FANCA: variants seen among roughly 807,000 people sequenced by gnomAD.
FANCA encodes the protein FA complementation group A, also known as Fanconi anemia group A protein.
A neutral mutation model predicts 194.3 loss-of-function variants in FANCA; 236 were observed. The observed-to-expected ratio is 1.21, with a 90% CI of 1.09 to 1.35. FANCA has a LOEUF of 1.35. Among genes scored for constraint, FANCA ranks in the 40% most tolerant of loss-of-function variants. The probability of loss-of-function intolerance (pLI) is 0.00; values close to 1 mark genes in which losing one functional copy is unlikely to be tolerated. For synonymous variants in FANCA, 1,014 were observed against 715.8 expected (o/e 1.42, Z -6.65); for missense variants, 2,628 against 1,813.9 (o/e 1.45, Z -8.15).
rs1225095556 is a variant in FANCA, at chr16:89,773,317, T to C, written c.1968A>G (p.Ala656=). 6.4e-7 allele frequency: 1 copy of C among 1,551,570 alleles called. No homozygotes were observed. The stretch of plus-strand genomic sequence containing the variant: ...TCATGGAGGCTCTCAGCTCTCCCAG[T>C]GCAGCTGTGAGCTGTCCCAGGGGCT... The part of the protein sequence containing the change: ...AEEPLGQLTA[A]LGELRASMTD... Residue 656 remains alanine (A), a synonymous_variant, in exon 22 of 43, where the codon GCA becomes GCG. Transcript: ENST00000389301.
At chr16:89,764,496 G>C (rs2039057736) in intron 28 of FANCA, among the ~76,000 whole-genome samples, 1 of 152,080 alleles carries the variant, frequency 6.6e-6, no homozygotes, top group South Asian at 2.1e-4. Context: ...TGTAGAGATG[G>C]GGTTTCACTA....
chr16:89,799,512 G>T, intron 9 of FANCA, 93 bp downstream of exon 9: 2 of 1,285,966 alleles, frequency 1.6e-6, no homozygotes, highest in Non-Finnish European at 2.3e-6. Context: ...ATACAGAGGA[G>T]AAATACCTCA....
intron 6 of FANCA, among the ~76,000 whole-genome samples, chr16:89,805,794 T>C (rs892383890): frequency 1.9e-4 from 29 of 152,132 alleles, no homozygotes; most frequent in Admixed American, 1.2e-3. Context: ...CTTTCAAATA[T>C]TGTGGATTTT....
At chr16:89,777,553 G>A (rs774028865) in intron 20 of FANCA, among the ~76,000 whole-genome samples, 1 of 150,550 alleles carries the variant, frequency 6.6e-6, no homozygotes, top group Non-Finnish European at 1.5e-5. Context: ...GTGAAACCCT[G>A]TCTCTACTAA....
intron 1 of FANCA, 134 bp downstream of exon 1, chr16:89,816,403 A>T (rs1200537040): frequency 5.3e-6 from 4 of 749,892 alleles, no homozygotes; most frequent in Non-Finnish European, 7.4e-6. Flanking sequence ...CCGGGCGCCC[A>T]CCCCGCACAG....
rs146914107 is a variant in FANCA, at chr16:89,780,813, C to T, written c.1627-856G>A. On this transcript the variant is annotated intron_variant, in intron 17 of 42. Coordinates refer to ENST00000389301, the MANE Select transcript of FANCA (RefSeq NM_000135.4). ...GGCATGGTGGCGCACACTTGTACTCCCAGTTACTCAGGAGGTCAAGGTGAG... is the reference window on the plus strand; with the variant it reads ...GGCATGGTGGCGCACACTTGTACTCTCAGTTACTCAGGAGGTCAAGGTGAG... Among the ~76,000 whole-genome samples the T allele has an allele frequency of 1.5e-3, 228 of 151,820 alleles. 1 individual carries two copies. Among genetic ancestry groups the T allele is most frequent in the African/African-American group, 4.9e-3 (202 of 41,410 alleles).
chr16:89,810,773 A>G lies in FANCA; in HGVS notation c.456T>C (p.Ala152=). ...ACATACTGTGTGCCAATAAATACTGAGCAAACTCTAACAGGGAAGACAGCT... is the reference window on the plus strand; with the variant it reads ...ACATACTGTGTGCCAATAAATACTGGGCAAACTCTAACAGGGAAGACAGCT... ...RKKLSSLLEF[A]QYLLAHSMFS... Residue 152 remains alanine (A), a synonymous_variant, in exon 5 of 43, where the codon GCT becomes GCC. Coordinates refer to ENST00000389301, the MANE Select transcript of FANCA (RefSeq NM_000135.4). 1 of 1,613,612 alleles carries G rather than the reference A, an allele frequency of 6.2e-7. No homozygotes were observed. Among genetic ancestry groups the G allele is most frequent in the Non-Finnish European group, 8.5e-7 (1 of 1,179,464 alleles).
chr16:89,782,428 G>A (rs747235660), intron 17 of FANCA, among the ~76,000 whole-genome samples: 34 of 151,536 alleles, frequency 2.2e-4, no homozygotes, highest in Admixed American at 5.9e-4. Context: ...GGAGAATGGC[G>A]TGAACCCAGG....
intron 31 of FANCA, among the ~76,000 whole-genome samples, chr16:89,751,623 G>A (rs113099786): frequency 5.3e-5 from 8 of 152,078 alleles, no homozygotes; most frequent in African/African-American, 1.2e-4. Flanking sequence ...CACAGAAGAC[G>A]CACGGGTGGC....
intron 28 of FANCA, among the ~76,000 whole-genome samples, chr16:89,762,322 G>A (rs547315009): frequency 6.6e-5 from 10 of 152,298 alleles, no homozygotes; most frequent in East Asian, 1.9e-4. Context: ...ACCTGGGCAC[G>A]GTGGCTCATG....
chr16:89,809,139 C>T (rs189527111), intron 5 of FANCA, among the ~76,000 whole-genome samples: 1 of 151,936 alleles, frequency 6.6e-6, no homozygotes, highest in Admixed American at 6.6e-5. Context: ...ATCTCCTGAC[C>T]TCATGATCCA....
At chr16:89,767,287 A>G (rs1178262696) in intron 26 of FANCA, 50 bp from the exon 27 acceptor site, 9 of 1,317,162 alleles carry the variant, frequency 6.8e-6, no homozygotes, top group Non-Finnish European at 9.8e-6. Flanking sequence ...AAAATAAGGG[A>G]TGAAGGAAAA....
In FANCA at chr16:89,771,787, G is replaced by A. The variant is rs1463619828; in HGVS notation, c.2042C>T (p.Ser681Phe). Residue 681 changes from serine (S) to phenylalanine (F), a missense_variant, in exon 23 of 43, where the codon TCT becomes TTT. By Grantham distance (155) the Ser-to-Phe change is radical (BLOSUM62 -2). Coordinates refer to ENST00000389301, the MANE Select transcript of FANCA (RefSeq NM_000135.4). ...GCCCAGGACAGCCCTCAGTCTTTCA[G>A]AAATCACTGCCACCTGTGCCGATAT... is the stretch of plus-strand genomic sequence containing the variant. ...DVISAQVAVI[S>F]ERLRAVLGHN... 2 of 1,613,918 alleles carry A rather than the reference G, an allele frequency of 1.2e-6. No homozygotes were observed. The highest frequency in any genetic ancestry group is 1.7e-5 in the Admixed American group (1 of 59,996).
At chr16:89,746,345 G>T (rs1305458083) in intron 35 of FANCA, among the ~76,000 whole-genome samples, 1 of 152,198 alleles carries the variant, frequency 6.6e-6, no homozygotes, top group Non-Finnish European at 1.5e-5. Context: ...CCACAGGGGA[G>T]AAGTCCTGCG....
Position 89,805,402 on chromosome 16 carries a change from C to T in FANCA, c.597-10G>A, listed in dbSNP as rs777213934. ...ATGCATGTCGGGATGGCTGGAGACA[C>T]ACACAGAGGCAGACGTAAGGCTCAA... is the stretch of plus-strand genomic sequence containing the variant. On this transcript the variant is annotated splice_polypyrimidine_tract_variant and intron_variant, in intron 6 of 42. Transcript: ENST00000389301. 2.5e-6 allele frequency: 4 copies of T among 1,599,906 alleles called. No homozygotes were observed. The East Asian group carries it at 6.7e-5, about 27-fold the overall frequency.
At chr16:89,777,420 T>C (rs898103073) in intron 20 of FANCA, among the ~76,000 whole-genome samples, 3 of 152,034 alleles carry the variant, frequency 2.0e-5, no homozygotes, top group African/African-American at 7.2e-5. Context: ...AATAAACTTA[T>C]TTTAAGATTT....
At chr16:89,771,563 C>G in intron 23 of FANCA, 115 bp downstream of exon 23, 1 of 1,236,500 alleles carries the variant, frequency 8.1e-7, no homozygotes, top group Non-Finnish European at 1.2e-6. Context: ...ACATCTGATA[C>G]GACACTAACT....
At chr16:89,752,299 G>T in intron 30 of FANCA, 77 bp from the exon 31 acceptor site, 1 of 1,147,314 alleles carries the variant, frequency 8.7e-7, no homozygotes, top group Non-Finnish European at 1.3e-6. Flanking sequence ...TCCTGCCTCC[G>T]GAGCTGAGTG....
chr16:89,776,663 T>C (rs944423678), intron 20 of FANCA, among the ~76,000 whole-genome samples: 1 of 150,928 alleles, frequency 6.6e-6, no homozygotes, highest in Non-Finnish European at 1.5e-5. Flanking sequence ...CTGTGTCTAC[T>C]AAAAATACAA....
Sources: gnomAD v4.1 joint callset for allele counts (sites outside exome capture counted in the v4.1 genomes callset) on GRCh38, gnomAD v4.1.1 for gene constraint, MANE v1.5 for transcripts, NCBI Gene and HGNC (gene_info 2026-07-23, HGNC 2026-07-21) for gene names.